GPBP1L1: variants seen among roughly 807,000 people sequenced by gnomAD.
GPBP1L1 encodes vasculin-like protein 1.
Under a neutral mutation model 52.5 loss-of-function variants are expected in GPBP1L1, and 23 were observed. The ratio of observed to expected loss-of-function variants is 0.44; its 90% CI spans 0.32 to 0.62. The LOEUF (loss-of-function observed/expected upper bound fraction) is 0.62, where lower values mean the gene tolerates loss of function less well. GPBP1L1 is among the 20% of genes least tolerant of loss of function. The probability of loss-of-function intolerance (pLI) is 0.06; values close to 1 mark genes in which losing one functional copy is unlikely to be tolerated. For synonymous variants in GPBP1L1, 243 were observed against 203.1 expected (o/e 1.20, Z -1.67); for missense variants, 596 against 579.3 (o/e 1.03, Z -0.30).
chr1:45,660,202 T>C lies in GPBP1L1; in HGVS notation c.-74A>G. On this transcript the variant is annotated 5_prime_UTR_variant, in exon 3 of 13. Transcript: ENST00000355105. ...TATTTACCCCAGAGTGTAACCTCTG[T>C]GGTCCTGTTTCTGAACTCGAGTCGG... 1.0e-6 allele frequency: 1 copy of C among 985,308 alleles called. No individual in the cohort carries two copies. Among genetic ancestry groups the C allele is most frequent in the Non-Finnish European group, 1.2e-6 (1 of 829,840 alleles). 61.0% of individuals were successfully genotyped at this position (985,308 alleles called of 1,614,324 possible).
At chr1:45,681,818 C>T (rs1296678513) in intron 2 of GPBP1L1, among the ~76,000 whole-genome samples, 1 of 152,160 alleles carries the variant, frequency 6.6e-6, no homozygotes, top group African/African-American at 2.4e-5. Flanking sequence ...AGCTGAGATT[C>T]GAACCCAAAT....
chr1:45,681,634 CTAA>C (rs1411635199), intron 2 of GPBP1L1, among the ~76,000 whole-genome samples: 1 of 152,226 alleles, frequency 6.6e-6, no homozygotes, highest in Admixed American at 6.5e-5. Flanking sequence ...GACAACTTCT[CTAA>C]TAATCATGAA....
chr1:45,630,648 C>G (rs764656216), intron 10 of GPBP1L1, 42 bp from the exon 11 acceptor site: 4 of 1,605,116 alleles, frequency 2.5e-6, no homozygotes, highest in Non-Finnish European at 3.4e-6. Flanking sequence ...TTTAAGGTTC[C>G]TTTGTAGTAA....
rs536109062 is a variant in GPBP1L1, at chr1:45,668,173, T to C, written c.-1097-6948A>G. Reference sequence around the variant, plus strand: ...CTGGTACCCCTCTATTTTCAAAATATTCCCATTAAGTTAATCTAACTAGTA... The same window carrying C: ...CTGGTACCCCTCTATTTTCAAAATACTCCCATTAAGTTAATCTAACTAGTA... On this transcript the variant is annotated intron_variant, in intron 2 of 12. Coordinates refer to ENST00000355105, the MANE Select transcript of GPBP1L1 (RefSeq NM_021639.5). Among the ~76,000 whole-genome samples the C allele has an allele frequency of 2.0e-5, 3 of 152,294 alleles. No individual in the cohort carries two copies. In the South Asian group the frequency reaches 6.2e-4, roughly 32 times the overall value.
At position 45,628,218 on chromosome 1, in the gene GPBP1L1, G is replaced by A; in HGVS notation, c.*38C>T. 1.3e-6 allele frequency: 2 copies of A among 1,599,362 alleles called. No homozygotes were observed. The highest frequency in any genetic ancestry group is 1.1e-5 in the South Asian group (1 of 90,768). On this transcript the variant is annotated 3_prime_UTR_variant, in exon 13 of 13. Transcript: ENST00000355105. ...TTTGTATACTCCCTAAACACACAGA[G>A]TTTACTGGGTCAGATTTAACTGTGA...
chr1:45,668,055 T>C (rs1033457133), intron 2 of GPBP1L1, among the ~76,000 whole-genome samples: 2 of 152,178 alleles, frequency 1.3e-5, no homozygotes, highest in African/African-American at 2.4e-5. Flanking sequence ...AACAAAAATC[T>C]ATACAGAATA....
chr1:45,657,736 C>T (rs1250977079), intron 4 of GPBP1L1, among the ~76,000 whole-genome samples: 2 of 152,076 alleles, frequency 1.3e-5, no homozygotes, highest in African/African-American at 4.8e-5. Context: ...ACCTGTAGTA[C>T]CAGCTACTCT....
chr1:45,682,466 A>C (rs11211161), intron 2 of GPBP1L1, among the ~76,000 whole-genome samples: 43,115 of 152,092 alleles, frequency 0.28, 6,240 homozygotes, highest in South Asian at 0.37. Flanking sequence ...AGTGGTTTTT[A>C]TCTTAGAAAA....
chr1:45,630,645 TTCCTTTGTAGTAA>T, intron 10 of GPBP1L1, 39 bp from the exon 11 acceptor site: 1 of 1,608,296 alleles, frequency 6.2e-7, no homozygotes, highest in South Asian at 1.1e-5. Context: ...TGGTTTAAGG[TTCCTTTGTAGTAA>T]TATAAGCAAC....
intron 7 of GPBP1L1, 53 bp downstream of exon 7, chr1:45,642,374 C>A (rs1569785235): frequency 8.2e-7 from 1 of 1,214,764 alleles, no homozygotes; most frequent in East Asian, 2.3e-5. Flanking sequence ...GCTCCCCTCC[C>A]TGCTAAGAAA....
intron 4 of GPBP1L1, among the ~76,000 whole-genome samples, chr1:45,657,024 TTA>T (rs1035554996): frequency 6.6e-6 from 1 of 152,164 alleles, no homozygotes; most frequent in African/African-American, 2.4e-5. Context: ...TCTATTCCTT[TTA>T]TGTCTATCAT....
intron 6 of GPBP1L1, among the ~76,000 whole-genome samples, chr1:45,648,068 G>A (rs1644774307): frequency 6.6e-6 from 1 of 152,092 alleles, no homozygotes; most frequent in Non-Finnish European, 1.5e-5. Context: ...AGCCCCCTGA[G>A]TAGCTGGGAC....
intron 2 of GPBP1L1, among the ~76,000 whole-genome samples, chr1:45,670,457 C>T (rs1315205126): frequency 6.6e-6 from 1 of 152,160 alleles, no homozygotes; most frequent in African/African-American, 2.4e-5. Flanking sequence ...GCAATCAAAG[C>T]TGCTGGTCAT....
chr1:45,640,485 T>G, intron 7 of GPBP1L1, 82 bp from the exon 8 acceptor site: 1 of 1,091,110 alleles, frequency 9.2e-7, no homozygotes, highest in Non-Finnish European at 1.4e-6. Context: ...AAGGCCTTAG[T>G]CAACAAAACA....
chr1:45,628,269 T>G lies in GPBP1L1; in HGVS notation c.1412A>C (p.Asp471Ala). 6.2e-7 allele frequency: 1 copy of G among 1,614,090 alleles called. No individual in the cohort carries two copies. Residue 471 changes from aspartate (D) to alanine (A), a missense_variant, in exon 13 of 13, where the codon GAT (aspartate) becomes GCT (alanine). Asp to Ala is a moderately radical substitution (Grantham distance 126, BLOSUM62 -2). Transcript: ENST00000355105. Reference protein sequence around the residue: ...ETSSSETSDDDAWK With the variant: ...ETSSSETSDDAAWK Reference sequence around the variant, plus strand: ...GCATTTATATGCCTACTTCCAGGCATCGTCATCTGATGTTTCACTGCTACT... The same window carrying G: ...GCATTTATATGCCTACTTCCAGGCAGCGTCATCTGATGTTTCACTGCTACT...
intron 2 of GPBP1L1, among the ~76,000 whole-genome samples, chr1:45,672,059 C>T (rs1471492597): frequency 2.0e-5 from 3 of 152,006 alleles, no homozygotes; most frequent in South Asian, 2.1e-4. Flanking sequence ...TGCAATAATA[C>T]CTTTTTAAAA....
At chr1:45,658,343 C>T (rs1644907874) in intron 4 of GPBP1L1, among the ~76,000 whole-genome samples, 1 of 152,180 alleles carries the variant, frequency 6.6e-6, no homozygotes, top group Admixed American at 6.5e-5. Flanking sequence ...TCCCCTTTTA[C>T]TTCTGCCCCT....
chr1:45,648,779 G>A (rs1644784982), intron 6 of GPBP1L1, among the ~76,000 whole-genome samples: 2 of 152,218 alleles, frequency 1.3e-5, no homozygotes, highest in African/African-American at 4.8e-5. Context: ...TGTAATCCCA[G>A]CACTTTGGGA....
At chr1:45,670,847 C>A (rs1645065984) in intron 2 of GPBP1L1, among the ~76,000 whole-genome samples, 1 of 138,688 alleles carries the variant, frequency 7.2e-6, no homozygotes, top group South Asian at 2.2e-4. Context: ...GGCTGGAGTG[C>A]AGTGGTGTGA....
Sources: allele counts gnomAD v4.1 joint callset (sites outside exome capture counted in the v4.1 genomes callset), GRCh38; gene constraint gnomAD v4.1.1; transcripts MANE v1.5; gene names NCBI Gene and HGNC (gene_info 2026-07-23, HGNC 2026-07-21).